KIRREL3: variants seen among roughly 807,000 people sequenced by gnomAD.
The protein encoded by KIRREL3 is kin of IRRE-like protein 3.
Under a neutral mutation model 89.7 loss-of-function variants are expected in KIRREL3, and 36 were observed. That is an observed-to-expected ratio of 0.40 (90% CI 0.31 to 0.53). The LOEUF (loss-of-function observed/expected upper bound fraction) is 0.53, where lower values mean the gene tolerates loss of function less well. KIRREL3 is among the 20% of genes least tolerant of loss of function. KIRREL3 has a pLI of 0.49. For synonymous variants in KIRREL3, 445 were observed against 441.4 expected, an observed-to-expected ratio of 1.01 and a Z score of -0.10; for missense variants, 864 against 1,056.6, an observed-to-expected ratio of 0.82 and a Z score of 2.53.
rs376033028 is a variant in KIRREL3, at chr11:126,501,436, C to A, written c.433+19879G>T. On this transcript the variant is annotated intron_variant, in intron 4 of 16. Transcript: ENST00000525144. The surrounding 1 kb of genome is among the most constrained non-coding windows in gnomAD (Gnocchi z 5.8). ...GGCTCCTCTGGGGAGCGAGGGTGCC[C>A]AGGTGGGGAAGGCAGAGCGCAGGTC... is the stretch of plus-strand genomic sequence containing the variant. Among the ~76,000 whole-genome samples the A allele has an allele frequency of 6.6e-6, 1 of 152,142 alleles. No homozygotes were observed. The highest frequency in any genetic ancestry group is 1.5e-5 in the Non-Finnish European group (1 of 68,026).
In KIRREL3 at chr11:126,526,455, G is replaced by T. The variant is rs1450517603; in HGVS notation, c.283+83C>A. On this transcript the variant is annotated intron_variant, in intron 3 of 16. Transcript: ENST00000525144. The surrounding 1 kb of genome is among the most constrained non-coding windows in gnomAD (Gnocchi z 5.7). ...GATTCGATACTCAGACACCTGTGAA[G>T]ATGGGTGCTCCCTAGGAAGGTGGAT... The T allele has an allele frequency of 2.3e-5, 31 of 1,358,084 alleles. No homozygotes were observed. The highest frequency in any genetic ancestry group is 3.1e-5 in the Non-Finnish European group (31 of 984,644). The allele number at this position is 1,358,084 out of a possible 1,614,324, so 84.1% of individuals were successfully genotyped here. A position where few individuals can be genotyped will look rare whatever the true frequency, so the allele number is the denominator to read the frequency against.
chr11:126,908,130 A>G lies in KIRREL3; in HGVS notation c.55+92325T>C, dbSNP rs375754855. 2.4e-4 allele frequency among the ~76,000 whole-genome samples: 36 copies of G among 152,354 alleles called. 1 individual carries two copies. Among genetic ancestry groups the G allele is most frequent in the African/African-American group, 8.7e-4 (36 of 41,582 alleles). On this transcript the variant is annotated intron_variant, in intron 1 of 16. Transcript: ENST00000525144. This position sits in a 1 kb window ranked among gnomAD's most constrained non-coding sequence, Gnocchi z 4.2. Reference sequence around the variant, plus strand: ...GTTTATGATCCTGCCCCCTCCCGTCAGAATGCAAGTCCTATGAAGGCAAAT... The same window carrying G: ...GTTTATGATCCTGCCCCCTCCCGTCGGAATGCAAGTCCTATGAAGGCAAAT...
At chr11:126,700,441 A>C (rs1011472041) in intron 1 of KIRREL3, among the ~76,000 whole-genome samples, 3 of 152,222 alleles carry the variant, frequency 2.0e-5, no homozygotes, top group Non-Finnish European at 4.4e-5. Context: ...AGGTCCCCAC[A>C]CTGTGTTCCA....
In KIRREL3 at chr11:126,724,459, C is replaced by T. The variant is rs188633202; in HGVS notation, c.56-161547G>A. Among the ~76,000 whole-genome samples the T allele has an allele frequency of 8.5e-5, 13 of 152,262 alleles. No individual in the cohort carries two copies. In the East Asian group the frequency reaches 9.7e-4, roughly 11 times the overall value. On this transcript the variant is annotated intron_variant, in intron 1 of 16. Transcript: ENST00000525144. This position sits in a 1 kb window ranked among gnomAD's most constrained non-coding sequence, Gnocchi z 4.3. The stretch of plus-strand genomic sequence containing the variant: ...CCAGCAGATGGACACCCTGGAGGTT[C>T]GGAGCCATGTCACTCCCTATCAGCC...
intron 1 of KIRREL3, among the ~76,000 whole-genome samples, chr11:126,629,441 C>A (rs564146072): frequency 1.3e-5 from 2 of 152,240 alleles, no homozygotes; most frequent in African/African-American, 4.8e-5. Context: ...TTTTATGGGG[C>A]CTCTCACGAT....
At chr11:126,959,354 A>G (rs1195711978) in intron 1 of KIRREL3, among the ~76,000 whole-genome samples, 1 of 151,988 alleles carries the variant, frequency 6.6e-6, no homozygotes, top group Non-Finnish European at 1.5e-5. Context: ...CGTGCATGCG[A>G]GTGTGCACAC....
chr11:126,588,810 C>T (rs553126467), intron 1 of KIRREL3, among the ~76,000 whole-genome samples: 17 of 152,152 alleles, frequency 1.1e-4, no homozygotes, highest in Admixed American at 3.9e-4. Context: ...AGGAAATATA[C>T]GTCAAATGAA....
intron 6 of KIRREL3, among the ~76,000 whole-genome samples, chr11:126,461,558 C>T (rs1257253324): frequency 6.6e-6 from 1 of 152,166 alleles, no homozygotes; most frequent in Non-Finnish European, 1.5e-5. Flanking sequence ...GGTGGCAAGA[C>T]AGTGAAGATA....
intron 1 of KIRREL3, among the ~76,000 whole-genome samples, chr11:126,603,142 TG>T (rs1184217655): frequency 6.6e-6 from 1 of 152,224 alleles, no homozygotes; most frequent in Non-Finnish European, 1.5e-5. Context: ...TATTTAGAGA[TG>T]CCCCTACAGA....
At chr11:126,960,896 A>G (rs1281776455) in intron 1 of KIRREL3, among the ~76,000 whole-genome samples, 1 of 152,158 alleles carries the variant, frequency 6.6e-6, no homozygotes, top group Non-Finnish European at 1.5e-5. Context: ...TGTGTCTCAC[A>G]TTATGGTTAT....
intron 1 of KIRREL3, among the ~76,000 whole-genome samples, chr11:126,617,412 A>G (rs1247762057): frequency 6.6e-6 from 1 of 152,244 alleles, no homozygotes; most frequent in Non-Finnish European, 1.5e-5. Flanking sequence ...GATAATTGGA[A>G]AAGAAATTCA....
intron 1 of KIRREL3, among the ~76,000 whole-genome samples, chr11:126,798,179 A>G (rs566446508): frequency 9.4e-5 from 5 of 53,304 alleles, no homozygotes; most frequent in South Asian, 2.1e-3. Context: ...TGAGCCCCCA[A>G]GGGTGGCCTG....
In KIRREL3 at chr11:126,425,665, T is replaced by C. The variant is rs1365883366; in HGVS notation, c.1866A>G (p.Glu622=). 1 of 1,593,896 alleles carries C rather than the reference T, an allele frequency of 6.3e-7. No individual in the cohort carries two copies. The highest frequency in any genetic ancestry group is 1.7e-5 in the Admixed American group (1 of 57,548). Reference sequence around the variant, plus strand: ...TCAGGTTCTGAAACTCTTTCTCCTCTTCTTTGAGGACCTCCAGCTGTTTCA... The same window carrying C: ...TCAGGTTCTGAAACTCTTTCTCCTCCTCTTTGAGGACCTCCAGCTGTTTCA... ...SVLKQLEVLK[E]EEKEFQNLKD... The change falls in exon 16 of 17, where the codon GAA becomes GAG. Residue 622 remains glutamate, a synonymous_variant. Transcript: ENST00000525144.
At position 126,879,539 on chromosome 11, in the gene KIRREL3, TC is replaced by T. The variant is rs956215279; in HGVS notation, c.55+120915del. ...TCCCCTCTGATCCTTTCACCACTCC[TC>T]TTTATTTTGGTCTCACAGTGAGTTT... On this transcript the variant is annotated intron_variant, in intron 1 of 16. Coordinates refer to ENST00000525144, the MANE Select transcript of KIRREL3 (RefSeq NM_032531.4). This position sits in a 1 kb window ranked among gnomAD's most constrained non-coding sequence, Gnocchi z 5.4. 2.4e-4 allele frequency among the ~76,000 whole-genome samples: 37 copies of T among 152,248 alleles called. No individual in the cohort carries two copies. Among genetic ancestry groups the T allele is most frequent in the Admixed American group, 2.0e-3 (31 of 15,294 alleles).
intron 1 of KIRREL3, among the ~76,000 whole-genome samples, chr11:126,907,334 T>G (rs1325274874): frequency 1.3e-5 from 2 of 152,110 alleles, no homozygotes; most frequent in African/African-American, 4.8e-5. Context: ...GTGTCAAATA[T>G]AGTTATGAGT....
chr11:126,457,193 G>GTGTGTGTGTGTGTGTGTGTGTA (rs1244557564), intron 6 of KIRREL3, among the ~76,000 whole-genome samples: 2,216 of 148,772 alleles, frequency 0.015, 28 homozygotes, highest in African/African-American at 0.039. Flanking sequence ...TTATGTGTGT[G>GTGTGTGTGTGTGTGTGTGTGTA]TGTGTGTGTG....
chr11:126,959,598 A>G, intron 1 of KIRREL3, among the ~76,000 whole-genome samples: 1 of 152,164 alleles, frequency 6.6e-6, no homozygotes, highest in East Asian at 1.9e-4. Context: ...CTGAACTCCA[A>G]GATACAACCT....
chr11:126,497,784 C>T (rs1028150501), intron 4 of KIRREL3, among the ~76,000 whole-genome samples: 1 of 152,182 alleles, frequency 6.6e-6, no homozygotes, highest in African/African-American at 2.4e-5. Context: ...CAGGTGCTCT[C>T]TTGGGGAGGG....
At chr11:126,480,894 G>A (rs576248431) in intron 4 of KIRREL3, among the ~76,000 whole-genome samples, 1 of 152,210 alleles carries the variant, frequency 6.6e-6, no homozygotes, top group Admixed American at 6.5e-5. Context: ...CCAGCTTCCG[G>A]TTTCCTCACG....
Sources: gnomAD v4.1 joint callset for allele counts (sites outside exome capture counted in the v4.1 genomes callset) on GRCh38, gnomAD v4.1.1 for gene constraint, Gnocchi (gnomAD v3.1) non-coding constraint, MANE v1.5 for transcripts, NCBI Gene and HGNC (gene_info 2026-07-23, HGNC 2026-07-21) for gene names.